The following CPNE4 variants were observed in gnomAD, a reference collection of about 807,000 sequenced individuals.
CPNE4 encodes copine-4.
A neutral mutation model predicts 67.9 loss-of-function variants in CPNE4; 25 were observed. That is an observed-to-expected ratio of 0.37 (90% CI 0.27 to 0.51). The LOEUF is 0.51. CPNE4 is among the 20% of genes least tolerant of loss of function. The probability of loss-of-function intolerance (pLI) is 0.93; values close to 1 mark genes in which losing one functional copy is unlikely to be tolerated. For synonymous variants in CPNE4, 242 were observed against 244.9 expected (o/e 0.99, Z 0.11); for missense variants, 464 against 690.8 (o/e 0.67, Z 3.68).
intron 2 of CPNE4, among the ~76,000 whole-genome samples, chr3:131,818,991 T>C (rs2084853858): frequency 2.0e-5 from 3 of 152,166 alleles, no homozygotes; most frequent in Non-Finnish European, 2.9e-5. Flanking sequence ...ACTCAGCTAC[T>C]TGGGAGGCTG....
intron 7 of CPNE4, among the ~76,000 whole-genome samples, chr3:131,602,259 A>G (rs1413693637): frequency 2.0e-5 from 3 of 152,134 alleles, no homozygotes; most frequent in Non-Finnish European, 2.9e-5. Flanking sequence ...GTGTTCTTCA[A>G]TTCAACAGCA....
intron 2 of CPNE4, among the ~76,000 whole-genome samples, chr3:131,890,179 A>C (rs2088052154): frequency 6.6e-6 from 1 of 152,124 alleles, no homozygotes; most frequent in African/African-American, 2.4e-5. Context: ...ATATTTGTAA[A>C]TCATATATCT....
intron 1 of CPNE4, among the ~76,000 whole-genome samples, chr3:131,918,580 C>T (rs936612552): frequency 2.6e-5 from 4 of 152,012 alleles, no homozygotes; most frequent in African/African-American, 9.7e-5. Context: ...AAACAAATAA[C>T]AAATAAGCAA....
intron 6 of CPNE4, among the ~76,000 whole-genome samples, chr3:131,678,830 C>A (rs1359737465): frequency 6.6e-6 from 1 of 152,120 alleles, no homozygotes; most frequent in Non-Finnish European, 1.5e-5. Flanking sequence ...ATTTGGTTTG[C>A]CAGTATTTTG....
intron 2 of CPNE4, among the ~76,000 whole-genome samples, chr3:131,753,361 G>C (rs979884434): frequency 3.9e-4 from 60 of 151,958 alleles, no homozygotes; most frequent in African/African-American, 1.4e-3. Flanking sequence ...GTATATGTTA[G>C]GGAAAAAGGA....
At chr3:132,001,948 GT>G (rs936498779) in intron 1 of CPNE4, among the ~76,000 whole-genome samples, 1 of 152,074 alleles carries the variant, frequency 6.6e-6, no homozygotes, top group African/African-American at 2.4e-5. Context: ...TTGAGTAGGG[GT>G]TTTGTGTTTT....
chr3:131,773,380 C>T (rs1316210668), intron 2 of CPNE4, among the ~76,000 whole-genome samples: 1 of 130,722 alleles, frequency 7.6e-6, no homozygotes, highest in Non-Finnish European at 1.7e-5. Context: ...TAGAGTTTTG[C>T]TCTGTCACCC....
chr3:131,854,327 A>G (rs933710495), intron 2 of CPNE4, among the ~76,000 whole-genome samples: 1 of 151,888 alleles, frequency 6.6e-6, no homozygotes, highest in Admixed American at 6.6e-5. Flanking sequence ...ATCTATGGGG[A>G]TAGAAATCTG....
chr3:131,740,277 G>T (rs1332361322), intron 2 of CPNE4, among the ~76,000 whole-genome samples: 1 of 152,148 alleles, frequency 6.6e-6, no homozygotes, highest in Non-Finnish European at 1.5e-5. Context: ...CATGATCAAA[G>T]GCTTAATTCT....
intron 9 of CPNE4, among the ~76,000 whole-genome samples, chr3:131,578,501 C>T (rs1439125089): frequency 2.6e-5 from 4 of 152,098 alleles, no homozygotes; most frequent in African/African-American, 9.7e-5. Context: ...AAGGAAGAGT[C>T]ATGCATCTCT....
At chr3:131,588,579 T>C (rs1234806565) in intron 7 of CPNE4, among the ~76,000 whole-genome samples, 1 of 152,120 alleles carries the variant, frequency 6.6e-6, no homozygotes, top group Non-Finnish European at 1.5e-5. Context: ...GCCTGAAAAA[T>C]CTGACTTGGT....
chr3:131,626,682 G>T (rs1189874073), intron 7 of CPNE4, among the ~76,000 whole-genome samples: 1 of 152,214 alleles, frequency 6.6e-6, no homozygotes, highest in Non-Finnish European at 1.5e-5. Context: ...AGAAGATCCA[G>T]CTATGATCAT....
chr3:131,835,647 G>A (rs1005017036), intron 2 of CPNE4, among the ~76,000 whole-genome samples: 4 of 152,152 alleles, frequency 2.6e-5, no homozygotes, highest in African/African-American at 9.7e-5. Flanking sequence ...CAAGGACGCA[G>A]TTCCCTTCTC....
chr3:131,886,129 T>C (rs1480111022), intron 2 of CPNE4, among the ~76,000 whole-genome samples: 3 of 152,102 alleles, frequency 2.0e-5, no homozygotes, highest in Non-Finnish European at 4.4e-5. Flanking sequence ...GAAGAAGTGG[T>C]TTCATGGGCT....
At chr3:131,608,062 T>C (rs1387379926) in intron 7 of CPNE4, among the ~76,000 whole-genome samples, 1 of 152,200 alleles carries the variant, frequency 6.6e-6, no homozygotes, top group Non-Finnish European at 1.5e-5. Flanking sequence ...AGAAAATAAC[T>C]TGTTTATGTA....
chr3:131,731,401 G>C (rs566428511), intron 2 of CPNE4, among the ~76,000 whole-genome samples: 2 of 152,122 alleles, frequency 1.3e-5, no homozygotes, highest in African/African-American at 2.4e-5. Context: ...CCCTTCCTTC[G>C]TTGGCCTCCT....
chr3:131,616,830 C>T (rs1490660193), intron 7 of CPNE4, among the ~76,000 whole-genome samples: 2 of 152,144 alleles, frequency 1.3e-5, no homozygotes, highest in Non-Finnish European at 2.9e-5. Context: ...TCAAAGAGAT[C>T]AGCTCTCACC....
chr3:131,638,819 C>CCACAA (rs2079462538), intron 7 of CPNE4, among the ~76,000 whole-genome samples: 3 of 152,076 alleles, frequency 2.0e-5, no homozygotes, highest in Admixed American at 2.0e-4. Flanking sequence ...ATATCAAGTA[C>CCACAA]TCTCTCAGAC....
At chr3:131,659,321 G>A (rs905401740) in intron 7 of CPNE4, among the ~76,000 whole-genome samples, 19 of 151,978 alleles carry the variant, frequency 1.3e-4, no homozygotes, top group Middle Eastern at 3.4e-3. Flanking sequence ...CTTTATCCAC[G>A]TCCCAGTTTT....
Sources: allele counts gnomAD v4.1 joint callset (sites outside exome capture counted in the v4.1 genomes callset), GRCh38; gene constraint gnomAD v4.1.1; transcripts MANE v1.5; gene names NCBI Gene and HGNC (gene_info 2026-07-23, HGNC 2026-07-21).